GMDS: variants seen among roughly 807,000 people sequenced by gnomAD.
GMDS encodes GDP-mannose 4,6 dehydratase.
GMDS carries 20 observed loss-of-function variants against 49.9 expected under a neutral mutation model. That is an observed-to-expected ratio of 0.40 (90% CI 0.28 to 0.58). The LOEUF is 0.58. GMDS is among the 20% of genes least tolerant of loss of function. GMDS has a pLI of 0.42. For synonymous variants in GMDS, 177 were observed against 178.6 expected (o/e 0.99, Z 0.07); for missense variants, 362 against 481.4 (o/e 0.75, Z 2.32).
intron 7 of GMDS, among the ~76,000 whole-genome samples, chr6:1,900,397 C>G (rs913988901): frequency 6.6e-6 from 1 of 152,176 alleles, no homozygotes; most frequent in Non-Finnish European, 1.5e-5. Flanking sequence ...AACACACAAG[C>G]ACCAATGAAA....
Position 1,700,751 on chromosome 6 carries a change from G to A in GMDS, c.987+25665C>T, listed in dbSNP as rs12193953. ...AAGACTGCAGGTGCCAGCACACCTC[G>A]CGCTGTCCCTCCTCGGGCCCAGCAC... On this transcript the variant is annotated intron_variant, in intron 9 of 10. Transcript: ENST00000380815. Among the ~76,000 whole-genome samples the A allele has an allele frequency of 9.5e-3, 1,448 of 152,166 alleles. 10 individuals are homozygous for A. The highest frequency in any genetic ancestry group is 0.02 in the African/African-American group (845 of 41,510).
intron 4 of GMDS, among the ~76,000 whole-genome samples, chr6:2,099,299 A>T (rs1043554184): frequency 4.6e-5 from 7 of 152,158 alleles, no homozygotes; most frequent in African/African-American, 1.7e-4. Flanking sequence ...ACTTGAGTGA[A>T]AGTACAGTAT....
chr6:1,982,642 TA>T (rs1298125029), intron 4 of GMDS, among the ~76,000 whole-genome samples: 1 of 151,650 alleles, frequency 6.6e-6, no homozygotes, highest in African/African-American at 2.4e-5. Context: ...ACAAAAAAAA[TA>T]AAATACCCAG....
chr6:1,961,403 A>G (rs537451185), intron 4 of GMDS, among the ~76,000 whole-genome samples: 1 of 152,328 alleles, frequency 6.6e-6, no homozygotes, highest in Non-Finnish European at 1.5e-5. Context: ...GTGCTTTAGA[A>G]CACAGCTGAA....
chr6:2,170,555 A>T (rs1374053558), intron 1 of GMDS, among the ~76,000 whole-genome samples: 1 of 151,950 alleles, frequency 6.6e-6, no homozygotes, highest in Non-Finnish European at 1.5e-5. Context: ...TGAGCCCAGG[A>T]GTTCAAGGTT....
intron 7 of GMDS, among the ~76,000 whole-genome samples, chr6:1,743,436 G>A (rs927146821): frequency 2.0e-5 from 3 of 148,724 alleles, no homozygotes; most frequent in Non-Finnish European, 4.5e-5. Context: ...CCAGCTACTC[G>A]GGAGGCTGAG....
chr6:2,066,816 G>C (rs1172555732), intron 4 of GMDS, among the ~76,000 whole-genome samples: 1 of 151,776 alleles, frequency 6.6e-6, no homozygotes, highest in Non-Finnish European at 1.5e-5. Flanking sequence ...TTAATAATGG[G>C]AGACTTTAAC....
At chr6:1,894,362 T>C (rs1760041722) in intron 7 of GMDS, among the ~76,000 whole-genome samples, 1 of 152,242 alleles carries the variant, frequency 6.6e-6, no homozygotes, top group Admixed American at 6.5e-5. Flanking sequence ...GTGTTATAGG[T>C]ATTTATTTTA....
intron 9 of GMDS, among the ~76,000 whole-genome samples, chr6:1,645,991 G>C (rs1326368342): frequency 6.6e-6 from 1 of 152,214 alleles, no homozygotes; most frequent in Non-Finnish European, 1.5e-5. Context: ...CACTGTGCCT[G>C]GCACGCAGAG....
At chr6:1,743,987 T>G (rs1363897133) in intron 7 of GMDS, among the ~76,000 whole-genome samples, 1 of 152,216 alleles carries the variant, frequency 6.6e-6, no homozygotes, top group Non-Finnish European at 1.5e-5. Flanking sequence ...CAAAACTGTT[T>G]GGTTTGCGTC....
At position 1,937,440 on chromosome 6, in the gene GMDS, A is replaced by G. The variant is rs551149947; in HGVS notation, c.644-7210T>C. On this transcript the variant is annotated intron_variant, in intron 6 of 10. Transcript: ENST00000380815. ...GACTATATTAGTTCCTAGGGCTGCC[A>G]TAACAAACTCCCACACACTGGGTGG... Among the ~76,000 whole-genome samples the G allele has an allele frequency of 2.0e-5, 3 of 152,384 alleles. No individual in the cohort carries two copies. The East Asian group carries it at 5.8e-4, about 29-fold the overall frequency.
intron 1 of GMDS, among the ~76,000 whole-genome samples, chr6:2,171,099 T>C (rs956701826): frequency 4.6e-5 from 7 of 152,186 alleles, no homozygotes; most frequent in Non-Finnish European, 1.0e-4. Context: ...AAATTGCAAA[T>C]ACACATTGGT....
At chr6:1,677,159 G>T in intron 9 of GMDS, among the ~76,000 whole-genome samples, 1 of 152,212 alleles carries the variant, frequency 6.6e-6, no homozygotes, top group East Asian at 1.9e-4. Flanking sequence ...TATTTATGCA[G>T]CCGACAGACA....
intron 7 of GMDS, among the ~76,000 whole-genome samples, chr6:1,751,128 G>C (rs1767713754): frequency 6.6e-6 from 1 of 152,202 alleles, no homozygotes; most frequent in African/African-American, 2.4e-5. Flanking sequence ...TGGGGAAAGG[G>C]GTGGCTGTGG....
chr6:2,018,811 T>G (rs2127403260), intron 4 of GMDS, among the ~76,000 whole-genome samples: 1 of 152,322 alleles, frequency 6.6e-6, no homozygotes, highest in African/African-American at 2.4e-5. Flanking sequence ...GTACAGGTTT[T>G]TCTATGAATA....
chr6:1,852,593 A>G (rs1228475106), intron 7 of GMDS, among the ~76,000 whole-genome samples: 5 of 152,188 alleles, frequency 3.3e-5, no homozygotes, highest in Non-Finnish European at 7.3e-5. Flanking sequence ...TTGCTTTGAA[A>G]ATTTAGCATT....
chr6:1,809,689 CAAA>C (rs1561818085), intron 7 of GMDS, among the ~76,000 whole-genome samples: 1 of 152,020 alleles, frequency 6.6e-6, no homozygotes. Context: ...GAACTAGTGA[CAAA>C]GAAGAGGGCT....
At chr6:1,874,625 A>G (rs1372258874) in intron 7 of GMDS, among the ~76,000 whole-genome samples, 1 of 152,214 alleles carries the variant, frequency 6.6e-6, no homozygotes, top group South Asian at 2.1e-4. Flanking sequence ...CCCTTTAAAA[A>G]AGCAATACAT....
chr6:1,704,533 A>G (rs1395774248), intron 9 of GMDS, among the ~76,000 whole-genome samples: 1 of 152,250 alleles, frequency 6.6e-6, no homozygotes, highest in African/African-American at 2.4e-5. Context: ...ACTTCAAAAA[A>G]TTAAAGGAAC....
Sources: gnomAD v4.1 joint callset for allele counts (sites outside exome capture counted in the v4.1 genomes callset) on GRCh38, gnomAD v4.1.1 for gene constraint, MANE v1.5 for transcripts, NCBI Gene and HGNC (gene_info 2026-07-23, HGNC 2026-07-21) for gene names.